CACNA2D1: variants seen among roughly 807,000 people sequenced by gnomAD.
CACNA2D1 encodes the protein voltage-dependent calcium channel subunit alpha-2/delta-1.
Under a neutral mutation model 171.5 loss-of-function variants are expected in CACNA2D1, and 53 were observed. That is an observed-to-expected ratio of 0.31 (90% CI 0.25 to 0.39). The LOEUF (loss-of-function observed/expected upper bound fraction) is 0.39, where lower values mean the gene tolerates loss of function less well. Among genes scored for constraint, CACNA2D1 ranks in the 10% least tolerant of loss-of-function variants. The pLI, the probability that CACNA2D1 is intolerant of heterozygous loss-of-function variation, is 1.00. For synonymous variants in CACNA2D1, 442 were observed against 443.1 expected (o/e 1.00, Z 0.03); for missense variants, 903 against 1,299.8 (o/e 0.69, Z 4.69).
intron 36 of CACNA2D1, 56 bp from the exon 37 acceptor site, chr7:81,959,885 A>AATCTTTCAAAGATTCTTACAT: frequency 1.3e-6 from 2 of 1,570,090 alleles, no homozygotes; most frequent in Non-Finnish European, 1.7e-6. Flanking sequence ...AATAAATGGA[A>AATCTTTCAAAGATTCTTACAT]ATCTTTCAAA....
intron 3 of CACNA2D1, among the ~76,000 whole-genome samples, chr7:82,230,444 A>T (rs1214914863): frequency 6.6e-6 from 1 of 152,204 alleles, no homozygotes; most frequent in Admixed American, 6.5e-5. Context: ...TGCAGTGAAC[A>T]TTCTAGTACA....
At chr7:82,205,990 A>G (rs1799968378) in intron 3 of CACNA2D1, among the ~76,000 whole-genome samples, 2 of 152,148 alleles carry the variant, frequency 1.3e-5, no homozygotes, top group African/African-American at 4.8e-5. Flanking sequence ...AGAAAAAAAC[A>G]CAAGAATGTG....
At chr7:82,010,391 T>TA (rs1361387852) in intron 15 of CACNA2D1, among the ~76,000 whole-genome samples, 1 of 151,294 alleles carries the variant, frequency 6.6e-6, no homozygotes, top group South Asian at 2.1e-4. Context: ...TTTTTTTTTT[T>TA]ACATTCAGTT....
rs146762043 is a variant in CACNA2D1 at position 81,974,574 on chromosome 7, A to G, written c.1956-22T>C. ...ATCTCTGAAAAAAAAACATTTTGAG[A>G]TATTAGATATTAAAATCAAAACTTT... is the stretch of plus-strand genomic sequence containing the variant. On this transcript the variant is annotated intron_variant, in intron 24 of 38. Transcript: ENST00000356860. 2.5e-4 allele frequency: 304 copies of G among 1,220,394 alleles called. No homozygotes were observed. In the African/African-American group the frequency reaches 4.0e-3, roughly 16 times the overall value. The allele number at this position is 1,220,394 out of a possible 1,614,324, so 75.6% of individuals were successfully genotyped here.
intron 10 of CACNA2D1, among the ~76,000 whole-genome samples, chr7:82,039,219 G>C (rs1027476307): frequency 1.3e-5 from 2 of 151,852 alleles, no homozygotes; most frequent in East Asian, 3.9e-4. Flanking sequence ...TTAATGAGTG[G>C]GTCATAAGTT....
At chr7:82,124,932 T>C (rs2129061680) in intron 5 of CACNA2D1, among the ~76,000 whole-genome samples, 1 of 152,310 alleles carries the variant, frequency 6.6e-6, no homozygotes, top group Admixed American at 6.5e-5. Flanking sequence ...GATTTTTCCT[T>C]TTTCTTTAAT....
intron 10 of CACNA2D1, among the ~76,000 whole-genome samples, chr7:82,047,830 G>A (rs1009416682): frequency 2.0e-5 from 3 of 152,032 alleles, no homozygotes; most frequent in East Asian, 1.9e-4. Flanking sequence ...ATGAAGTGAC[G>A]TGAAATATTA....
At chr7:82,232,594 A>G (rs900643571) in intron 3 of CACNA2D1, among the ~76,000 whole-genome samples, 10 of 152,066 alleles carry the variant, frequency 6.6e-5, no homozygotes, top group African/African-American at 2.4e-4. Flanking sequence ...GGCCGGGTGC[A>G]GTGGCTCACG....
chr7:81,996,640 A>ATACT (rs2067167), intron 19 of CACNA2D1, among the ~76,000 whole-genome samples: 5,906 of 150,214 alleles, frequency 0.039, 355 homozygotes, highest in African/African-American at 0.13. Flanking sequence ...CATATATCAT[A>ATACT]TAATGTTATT....
At position 81,948,387 on chromosome 7, in the gene CACNA2D1, A is replaced by G. The variant is rs1408942058; in HGVS notation, c.*2005T>C. On this transcript the variant is annotated 3_prime_UTR_variant, in exon 39 of 39. Transcript: ENST00000356860. The stretch of plus-strand genomic sequence containing the variant: ...TGACACTACAAAATCACAACAATGC[A>G]TTAGAAATGGTAACTGATGTCAACT... The G allele has an allele frequency of 6.6e-6, 1 of 151,870 alleles. No individual in the cohort carries two copies. The highest frequency in any genetic ancestry group is 1.5e-5 in the Non-Finnish European group (1 of 67,808). The allele number at this position is 151,870 out of a possible 1,614,324, so 9.4% of individuals were successfully genotyped here. A position where few individuals can be genotyped will look rare whatever the true frequency, so the allele number is the denominator to read the frequency against.
intron 3 of CACNA2D1, among the ~76,000 whole-genome samples, chr7:82,246,237 AT>A (rs1333970721): frequency 2.0e-5 from 3 of 150,904 alleles, no homozygotes; most frequent in Non-Finnish European, 4.4e-5. Context: ...ATCTATATAT[AT>A]ATCTTTATAT....
intron 1 of CACNA2D1, among the ~76,000 whole-genome samples, chr7:82,414,174 T>C (rs2129455775): frequency 6.6e-6 from 1 of 152,332 alleles, no homozygotes; most frequent in South Asian, 2.1e-4. Context: ...ATTAATGGTA[T>C]AAATTCCAAG....
chr7:82,342,250 A>G (rs1423390323), intron 2 of CACNA2D1, among the ~76,000 whole-genome samples: 1 of 152,120 alleles, frequency 6.6e-6, no homozygotes, highest in Non-Finnish European at 1.5e-5. Flanking sequence ...TATAATTTAT[A>G]TACGTGTGAT....
intron 5 of CACNA2D1, among the ~76,000 whole-genome samples, chr7:82,122,451 C>T (rs1310236071): frequency 3.9e-5 from 6 of 152,106 alleles, no homozygotes; most frequent in Non-Finnish European, 7.4e-5. Context: ...TGCATGAATG[C>T]CCATGAATTG....
chr7:82,192,833 T>C (rs568914115), intron 3 of CACNA2D1, among the ~76,000 whole-genome samples: 2 of 151,506 alleles, frequency 1.3e-5, no homozygotes, highest in African/African-American at 4.8e-5. Flanking sequence ...ACTATACATT[T>C]GATCTCCGTA....
At chr7:81,998,312 C>T (rs915757366) in intron 18 of CACNA2D1, among the ~76,000 whole-genome samples, 3 of 152,010 alleles carry the variant, frequency 2.0e-5, no homozygotes, top group South Asian at 2.1e-4. Flanking sequence ...GTAACAAACG[C>T]AAACTATGCT....
At chr7:82,400,160 G>T (rs1031353533) in intron 1 of CACNA2D1, among the ~76,000 whole-genome samples, 4 of 150,372 alleles carry the variant, frequency 2.7e-5, no homozygotes, top group Non-Finnish European at 5.9e-5. Flanking sequence ...TGTTCTTTTG[G>T]CTTAGGATTG....
Position 82,350,393 on chromosome 7 carries a change from C to T in CACNA2D1, c.96-744G>A, listed in dbSNP as rs540449179. On this transcript the variant is annotated intron_variant, in intron 1 of 38. Coordinates refer to ENST00000356860, the MANE Select transcript of CACNA2D1 (RefSeq NM_000722.4). ...GAATATTTTATTTCCGGGCCAGACA[C>T]GGTGGCTCACACCTGTAATCCCAGC... is the stretch of plus-strand genomic sequence containing the variant. Among the ~76,000 whole-genome samples, 5 of 152,244 alleles carry T rather than the reference C, an allele frequency of 3.3e-5. No homozygotes were observed. The South Asian group carries it at 8.3e-4, about 25-fold the overall frequency.
At chr7:82,119,896 T>A (rs536058663) in intron 5 of CACNA2D1, among the ~76,000 whole-genome samples, 1 of 152,282 alleles carries the variant, frequency 6.6e-6, no homozygotes, top group African/African-American at 2.4e-5. Flanking sequence ...AGATCAACAG[T>A]CTTGGCTAGG....
Sources: allele counts gnomAD v4.1 joint callset (sites outside exome capture counted in the v4.1 genomes callset), GRCh38; gene constraint gnomAD v4.1.1; transcripts MANE v1.5; gene names NCBI Gene and HGNC (gene_info 2026-07-23, HGNC 2026-07-21).